The following NRK variants were observed in gnomAD, a reference collection of about 807,000 sequenced individuals.
The protein encoded by NRK is nik-related protein kinase.
Under a neutral mutation model 125.2 loss-of-function variants are expected in NRK, and 67 were observed. That is an observed-to-expected ratio of 0.54 (90% confidence interval 0.44 to 0.66). The LOEUF (loss-of-function observed/expected upper bound fraction) is 0.66, where lower values mean the gene tolerates loss of function less well. Ranked by LOEUF, NRK falls within the 30% of genes least tolerant of loss-of-function variation. NRK has a pLI of 0.00. For synonymous variants in NRK, 458 were observed against 429.0 expected (o/e 1.07, Z -0.84); for missense variants, 1,224 against 1,192.9 (o/e 1.03, Z -0.38).
intron 1 of NRK, among the ~76,000 whole-genome samples, chrX:105,824,484 C>A (rs779233770): frequency 1.8e-5 from 2 of 110,500 alleles, no homozygotes; most frequent in South Asian, 3.8e-4. Flanking sequence ...GAAACTGTTG[C>A]GGGCAGGTGG....
At chrX:105,855,227 T>G (rs1423197190) in intron 2 of NRK, among the ~76,000 whole-genome samples, 1 of 111,660 alleles carries the variant, frequency 9.0e-6, no homozygotes, top group Non-Finnish European at 1.9e-5. Flanking sequence ...GATTTTTTAT[T>G]CAATAGAGGA....
At position 105,957,474 on chromosome X, in the gene NRK, C is replaced by T. The variant is rs1278537862; in HGVS notation, c.*1874C>T. ...TGTAGAATCAAGTCTTTTAATAATT[C>T]ATTTTTTCTTCATAATATTTACTCA... On this transcript the variant is annotated 3_prime_UTR_variant, in exon 29 of 29. Coordinates refer to ENST00000243300, the MANE Select transcript of NRK (RefSeq NM_198465.4). The T allele has an allele frequency of 9.0e-6, 1 of 111,488 alleles. No homozygotes were observed. The highest frequency in any genetic ancestry group is 1.9e-5 in the Non-Finnish European group (1 of 53,046). 9.2% of individuals were successfully genotyped at this position (111,488 alleles called of 1,213,427 possible).
intron 5 of NRK, among the ~76,000 whole-genome samples, chrX:105,890,843 A>G (rs1018528064): frequency 1.2e-4 from 13 of 111,845 alleles, no homozygotes; most frequent in African/African-American, 4.2e-4. Context: ...AAACCATATC[A>G]TGTGGCAAAA....
At chrX:105,929,955 T>A (rs2040574235) in intron 19 of NRK, among the ~76,000 whole-genome samples, 1 of 111,954 alleles carries the variant, frequency 8.9e-6, no homozygotes, top group African/African-American at 3.2e-5. Flanking sequence ...GTTAGTCCAA[T>A]GAGGATTTCC....
chrX:105,830,014 C>T (rs1471025169), intron 1 of NRK, among the ~76,000 whole-genome samples: 1 of 109,843 alleles, frequency 9.1e-6, no homozygotes, highest in African/African-American at 3.3e-5. Flanking sequence ...ATCATTGTTG[C>T]ATGTTAAATT....
intron 7 of NRK, 47 bp downstream of exon 7, chrX:105,895,570 G>GCTTTCTCC: frequency 1.2e-6 from 1 of 813,986 alleles, no homozygotes; most frequent in Non-Finnish European, 1.9e-6. Context: ...TCTTAATGGA[G>GCTTTCTCC]AAAGCTCCTT....
chrX:105,881,338 A>T (rs1230353881), intron 3 of NRK, among the ~76,000 whole-genome samples: 5 of 111,489 alleles, frequency 4.5e-5, no homozygotes, highest in African/African-American at 1.6e-4. Context: ...GTTTTAACTT[A>T]AGAGACCTTG....
chrX:105,826,399 A>AT (rs1414618670), intron 1 of NRK, among the ~76,000 whole-genome samples: 34 of 65,354 alleles, frequency 5.2e-4, no homozygotes, highest in African/African-American at 2.8e-3. Flanking sequence ...TAATATATAT[A>AT]TAATATATAT....
intron 2 of NRK, among the ~76,000 whole-genome samples, chrX:105,877,658 T>G (rs2039832654): frequency 9.0e-6 from 1 of 111,319 alleles, no homozygotes; most frequent in African/African-American, 3.3e-5. Flanking sequence ...TATGCCAGAC[T>G]TCTATGGAGT....
At chrX:105,898,035 T>C (rs765209334) in intron 7 of NRK, among the ~76,000 whole-genome samples, 8 of 112,329 alleles carry the variant, frequency 7.1e-5, no homozygotes, top group Non-Finnish European at 1.3e-4. Context: ...AATAGAAGAC[T>C]GAACTTTTAT....
At position 105,905,388 on chromosome X, in the gene NRK, T is replaced by A. The variant is rs1162047048; in HGVS notation, c.845+45T>A. 4 of 939,793 alleles carry A rather than the reference T, an allele frequency of 4.3e-6. No homozygotes were observed. The South Asian group carries it at 8.2e-5, about 19-fold the overall frequency. 77.4% of individuals were successfully genotyped at this position (939,793 alleles called of 1,213,427 possible). ...TCTCCTAATTACATTGACTTGACAT[T>A]TTTATGTTAGCAAAGAAGTTTTAAT... On this transcript the variant is annotated intron_variant, in intron 10 of 28. Coordinates refer to ENST00000243300, the MANE Select transcript of NRK (RefSeq NM_198465.4).
intron 26 of NRK, among the ~76,000 whole-genome samples, chrX:105,947,857 A>C (rs1296821325): frequency 8.9e-6 from 1 of 112,298 alleles, no homozygotes; most frequent in African/African-American, 3.2e-5. Context: ...TCAGGACATT[A>C]GTGGGGACAA....
chrX:105,867,268 C>T (rs1002302622), intron 2 of NRK, among the ~76,000 whole-genome samples: 1 of 111,513 alleles, frequency 9.0e-6, no homozygotes, highest in South Asian at 3.7e-4. Context: ...CACAGATACT[C>T]TCTTGCCTCG....
Position 105,923,362 on chromosome X carries a change from A to G in NRK, c.2855A>G (p.Asn952Ser). The G allele has an allele frequency of 2.6e-6, 3 of 1,169,597 alleles. No individual in the cohort carries two copies. The highest frequency in any genetic ancestry group is 3.4e-6 in the Non-Finnish European group (3 of 872,559). The stretch of plus-strand genomic sequence containing the variant: ...GATACCTATGATCATGCCAATGGCA[A>G]TGATGACTTGGATAACCAGGTTGAT... The part of the protein sequence containing the change: ...FEDTYDHANG[N>S]DDLDNQVDQA... The change falls in exon 18 of 29, where the codon AAT (asparagine) becomes AGT (serine). Residue 952 changes from asparagine (N) to serine (S), a missense_variant. Transcript: ENST00000243300.
At chrX:105,906,630 A>G (rs1482903209) in intron 11 of NRK, 41 bp downstream of exon 11, 1 of 725,902 alleles carries the variant, frequency 1.4e-6, no homozygotes, top group South Asian at 4.5e-5. Context: ...ATGAATATTC[A>G]GAGTTTATTC....
intron 11 of NRK, 182 bp from the exon 12 acceptor site, chrX:105,908,058 A>C: frequency 3.1e-6 from 1 of 321,575 alleles, no homozygotes; most frequent in Non-Finnish European, 5.6e-6. Flanking sequence ...TTGTGCTGCA[A>C]AAGTGGGCCT....
intron 2 of NRK, among the ~76,000 whole-genome samples, chrX:105,855,204 A>G (rs914750814): frequency 4.5e-5 from 5 of 111,634 alleles, no homozygotes; most frequent in African/African-American, 1.6e-4. Flanking sequence ...TGATTTAATA[A>G]CAAGTCCAAA....
chrX:105,948,308 A>G, intron 26 of NRK: 1 of 123,634 alleles, frequency 8.1e-6, no homozygotes, highest in East Asian at 2.3e-4. Context: ...CCTTGTGTAT[A>G]TTCAAAAATA....
At chrX:105,845,378 A>G (rs916479832) in intron 2 of NRK, among the ~76,000 whole-genome samples, 23 of 111,417 alleles carry the variant, frequency 2.1e-4, no homozygotes, top group African/African-American at 5.9e-4. Flanking sequence ...TAGAGGGGTG[A>G]AGGAATAGAG....
Sources: allele counts gnomAD v4.1 joint callset (sites outside exome capture counted in the v4.1 genomes callset), GRCh38; gene constraint gnomAD v4.1.1; transcripts MANE v1.5; gene names NCBI Gene and HGNC (gene_info 2026-07-23, HGNC 2026-07-21).